Variants in MRTFB observed in about 807,000 individuals in gnomAD.
MRTFB encodes the protein myocardin related transcription factor B.
A neutral mutation model predicts 104.2 loss-of-function variants in MRTFB; 29 were observed. The ratio of observed to expected loss-of-function variants is 0.28; its 90% confidence interval spans 0.21 to 0.38. The LOEUF (loss-of-function observed/expected upper bound fraction) is 0.38, where lower values mean the gene tolerates loss of function less well. Among genes scored for constraint, MRTFB ranks in the 10% least tolerant of loss-of-function variants. The probability of loss-of-function intolerance (pLI) is 1.00; values close to 1 mark genes in which losing one functional copy is unlikely to be tolerated. For synonymous variants in MRTFB, 535 were observed against 519.5 expected (o/e 1.03, Z -0.41); for missense variants, 1,270 against 1,341.6 (o/e 0.95, Z 0.83).
chr16:14,172,860 T>G (rs1452595270), intron 3 of MRTFB, among the ~76,000 whole-genome samples: 1 of 152,194 alleles, frequency 6.6e-6, no homozygotes, highest in African/African-American at 2.4e-5. Flanking sequence ...TTTTTGAACT[T>G]TTCAATTTTT....
chr16:14,145,779 C>G (rs1158774473), intron 3 of MRTFB, among the ~76,000 whole-genome samples: 1 of 152,200 alleles, frequency 6.6e-6, no homozygotes, highest in Non-Finnish European at 1.5e-5. Context: ...ATCTTTCTCA[C>G]GATTTGCATT....
chr16:14,153,433 C>T (rs1011894342), intron 3 of MRTFB, among the ~76,000 whole-genome samples: 5 of 152,164 alleles, frequency 3.3e-5, no homozygotes, highest in Non-Finnish European at 7.4e-5. Context: ...AATGAAACCT[C>T]TGGTTGCATA....
intron 3 of MRTFB, among the ~76,000 whole-genome samples, chr16:14,183,438 G>A (rs2039835758): frequency 1.3e-5 from 2 of 152,152 alleles, no homozygotes; most frequent in African/African-American, 4.8e-5. Context: ...TACTATACAG[G>A]ATATTGTTGG....
At position 14,082,728 on chromosome 16, in the gene MRTFB, G is replaced by C. The variant is rs142871489; in HGVS notation, c.-64+3374G>C. On this transcript the variant is annotated intron_variant, in intron 2 of 16. Transcript: ENST00000571589. ...CAGGAGTTCGAGGTTGCAGTGAGCT[G>C]TGTGATCGTACCACAGCACTCCAGC... Among the ~76,000 whole-genome samples, 278 of 152,248 alleles carry C rather than the reference G, an allele frequency of 1.8e-3. 1 individual carries two copies. The highest frequency in any genetic ancestry group is 6.2e-3 in the African/African-American group (257 of 41,546).
the MRTFB span, among the ~76,000 whole-genome samples, chr16:14,027,262 GA>G: frequency 2.0e-5 from 3 of 151,700 alleles, no homozygotes; most frequent in East Asian, 1.9e-4. Flanking sequence ...AACGCTGTGT[GA>G]AAAAAAAGAC....
intron 2 of MRTFB, among the ~76,000 whole-genome samples, chr16:14,084,041 A>G (rs756384706): frequency 6.6e-5 from 10 of 152,228 alleles, no homozygotes; most frequent in Non-Finnish European, 1.2e-4. Flanking sequence ...GTTCTCATGC[A>G]TAGATGAAAT....
chr16:14,061,430 T>C, the MRTFB span, among the ~76,000 whole-genome samples: 5 of 152,090 alleles, frequency 3.3e-5, no homozygotes, highest in African/African-American at 1.2e-4. Context: ...ACAGCACAGA[T>C]AACTACCAGG....
the MRTFB span, among the ~76,000 whole-genome samples, chr16:14,008,283 C>T: frequency 3.9e-5 from 6 of 152,156 alleles, no homozygotes; most frequent in Non-Finnish European, 8.8e-5. Flanking sequence ...ATTGACTAAT[C>T]CAAGGTCATG....
chr16:14,155,275 G>T (rs1223579741), intron 3 of MRTFB, among the ~76,000 whole-genome samples: 2 of 150,958 alleles, frequency 1.3e-5, no homozygotes, highest in Non-Finnish European at 2.9e-5. Context: ...CCCAATAAAA[G>T]TTTATTATTT....
the MRTFB span, chr16:14,021,217 T>C: frequency 9.2e-5 from 14 of 152,348 alleles, no homozygotes; most frequent in East Asian, 2.7e-3. Context: ...GATCAATCTG[T>C]TGGCAGGACC....
chr16:14,209,418 A>G (rs2041093431), intron 3 of MRTFB, among the ~76,000 whole-genome samples: 1 of 152,250 alleles, frequency 6.6e-6, no homozygotes, highest in Admixed American at 6.5e-5. Flanking sequence ...GTTTGAATGT[A>G]AAGCAAAGCA....
the MRTFB span, among the ~76,000 whole-genome samples, chr16:14,037,845 G>T: frequency 6.6e-6 from 1 of 152,188 alleles, no homozygotes; most frequent in Non-Finnish European, 1.5e-5. Flanking sequence ...TACCTGTGGG[G>T]CTTGCTCTCA....
chr16:14,096,489 T>C (rs182336593), intron 2 of MRTFB, among the ~76,000 whole-genome samples: 6 of 152,200 alleles, frequency 3.9e-5, no homozygotes, highest in African/African-American at 1.4e-4. Context: ...TAGGAGTTCA[T>C]TGGATTCTTT....
At chr16:14,152,884 A>G (rs1379429433) in intron 3 of MRTFB, 1 of 152,220 alleles carries the variant, frequency 6.6e-6, no homozygotes, top group African/African-American at 2.4e-5. Flanking sequence ...AAAGTCCTAT[A>G]CAATCAAAAA....
the MRTFB span, among the ~76,000 whole-genome samples, chr16:14,038,154 T>A: frequency 6.6e-6 from 1 of 152,124 alleles, no homozygotes; most frequent in African/African-American, 2.4e-5. Flanking sequence ...GAGGCCTCTG[T>A]CCTTGGTAGT....
intron 7 of MRTFB, among the ~76,000 whole-genome samples, chr16:14,217,559 C>T (rs1015416027): frequency 1.3e-5 from 2 of 152,122 alleles, no homozygotes; most frequent in African/African-American, 2.4e-5. Context: ...TTTAGGACTG[C>T]ATGGAATCAT....
chr16:14,059,884 A>C, the MRTFB span, among the ~76,000 whole-genome samples: 4 of 151,984 alleles, frequency 2.6e-5, no homozygotes, highest in South Asian at 6.2e-4. Context: ...TAAATATGGA[A>C]GGACCTGGGT....
intron 6 of MRTFB, 90 bp downstream of exon 6, chr16:14,213,710 A>AACGATACG: frequency 9.8e-7 from 1 of 1,025,004 alleles, no homozygotes; most frequent in Non-Finnish European, 1.4e-6. Flanking sequence ...CATTTTAATA[A>AACGATACG]CTTTTTAACC....
chr16:13,998,281 C>G, the MRTFB span, among the ~76,000 whole-genome samples: 1 of 152,160 alleles, frequency 6.6e-6, no homozygotes, highest in Admixed American at 6.6e-5. Flanking sequence ...CGGGGTAGAT[C>G]TGTGGCCTCA....
Sources: gnomAD v4.1 joint callset for allele counts (sites outside exome capture counted in the v4.1 genomes callset) on GRCh38, gnomAD v4.1.1 for gene constraint, MANE v1.5 for transcripts, NCBI Gene and HGNC (gene_info 2026-07-23, HGNC 2026-07-21) for gene names.